The following CCDC178 variants were observed in gnomAD, a reference collection of about 807,000 sequenced individuals.
The protein encoded by CCDC178 is coiled-coil domain containing 178.
A neutral mutation model predicts 117.4 loss-of-function variants in CCDC178; 126 were observed. The ratio of observed to expected loss-of-function variants is 1.07; its 90% CI spans 0.93 to 1.24. CCDC178 has a LOEUF of 1.24. Ranked by LOEUF, CCDC178 falls within the 50% of genes most tolerant of loss-of-function variation. The probability of loss-of-function intolerance (pLI) is 0.00; values close to 1 mark genes in which losing one functional copy is unlikely to be tolerated. For synonymous variants in CCDC178, 283 were observed against 313.4 expected (o/e 0.90, Z 1.02); for missense variants, 1,030 against 986.9 (o/e 1.04, Z -0.59).
intron 21 of CCDC178, among the ~76,000 whole-genome samples, chr18:33,036,764 T>C (rs1489628453): frequency 2.0e-5 from 3 of 151,916 alleles, no homozygotes; most frequent in Non-Finnish European, 4.4e-5. Context: ...GAAGAATCAC[T>C]GAAGGGTTTT....
At chr18:33,089,279 A>G (rs16964251) in intron 21 of CCDC178, among the ~76,000 whole-genome samples, 10,952 of 152,130 alleles carry the variant, frequency 0.072, 1,346 homozygotes, top group African/African-American at 0.25. Flanking sequence ...TGGTAGTATT[A>G]TAATTCTGAA....
At chr18:33,227,334 T>C (rs114600638) in intron 15 of CCDC178, among the ~76,000 whole-genome samples, 2 of 151,250 alleles carry the variant, frequency 1.3e-5, no homozygotes, top group African/African-American at 2.4e-5. Flanking sequence ...AGGGAAAAAA[T>C]TTGGAAAAAT....
intron 5 of CCDC178, 80 bp downstream of exon 5, chr18:33,389,460 T>G: frequency 1.8e-6 from 1 of 545,750 alleles, no homozygotes; most frequent in Non-Finnish European, 3.0e-6. Context: ...AAAATAGAAA[T>G]AGTATTGACA....
intron 12 of CCDC178, among the ~76,000 whole-genome samples, chr18:33,270,370 A>ACATTGTATTGTAAATTTGGT (rs1198720617): frequency 5.3e-5 from 8 of 151,500 alleles, no homozygotes; most frequent in Non-Finnish European, 8.9e-5. Context: ...TTTAAAATAC[A>ACATTGTATTGTAAATTTGGT]TTAATTTACA....
At chr18:33,313,564 A>T (rs866110409) in intron 11 of CCDC178, among the ~76,000 whole-genome samples, 5 of 152,130 alleles carry the variant, frequency 3.3e-5, no homozygotes, top group African/African-American at 9.7e-5. Flanking sequence ...CCATTTTTTT[A>T]AAAAAGCCCA....
At chr18:33,392,017 C>T (rs542619099) in intron 4 of CCDC178, among the ~76,000 whole-genome samples, 75 of 152,114 alleles carry the variant, frequency 4.9e-4, no homozygotes, top group Middle Eastern at 3.4e-3. Flanking sequence ...GAGTGCGCCA[C>T]CATGCCTGGC....
At chr18:32,943,890 A>G (rs769304089) in intron 22 of CCDC178, among the ~76,000 whole-genome samples, 4 of 152,226 alleles carry the variant, frequency 2.6e-5, no homozygotes, top group Non-Finnish European at 5.9e-5. Context: ...TGTGCAGAAA[A>G]AGAATTTAGT....
chr18:33,402,191 A>G (rs956818186), intron 3 of CCDC178, among the ~76,000 whole-genome samples: 2 of 152,232 alleles, frequency 1.3e-5, no homozygotes, highest in African/African-American at 4.8e-5. Context: ...GAAAATGATA[A>G]AGACCTTTGA....
At chr18:33,242,462 A>G (rs556141412) in intron 15 of CCDC178, among the ~76,000 whole-genome samples, 1 of 151,978 alleles carries the variant, frequency 6.6e-6, no homozygotes. Context: ...ACAGAGTGAA[A>G]ATACCACCTA....
intron 3 of CCDC178, among the ~76,000 whole-genome samples, chr18:33,402,884 A>G (rs1599276292): frequency 6.6e-6 from 1 of 152,280 alleles, no homozygotes; most frequent in South Asian, 2.1e-4. Flanking sequence ...ATATTTGTAA[A>G]CATACATGTC....
chr18:33,136,787 A>G (rs1157452531), intron 20 of CCDC178, among the ~76,000 whole-genome samples: 5 of 152,146 alleles, frequency 3.3e-5, no homozygotes, highest in African/African-American at 9.7e-5. Flanking sequence ...ATTGAAGAAC[A>G]TTTTTCACTC....
At chr18:33,117,033 T>G (rs894969871) in intron 20 of CCDC178, among the ~76,000 whole-genome samples, 3 of 152,052 alleles carry the variant, frequency 2.0e-5, no homozygotes, top group Non-Finnish European at 4.4e-5. Context: ...TATCAATTGA[T>G]GGTCTGTGGT....
chr18:33,361,610 T>G (rs1467609736), intron 6 of CCDC178, among the ~76,000 whole-genome samples: 1 of 151,690 alleles, frequency 6.6e-6, no homozygotes, highest in African/African-American at 2.4e-5. Flanking sequence ...CTTAAACTCA[T>G]TAGCAAAAAC....
At chr18:33,403,043 A>C (rs1050776744) in intron 3 of CCDC178, among the ~76,000 whole-genome samples, 3 of 152,232 alleles carry the variant, frequency 2.0e-5, no homozygotes, top group Admixed American at 6.5e-5. Flanking sequence ...TCTCTCACCC[A>C]TATAACCAAA....
At chr18:33,195,048 T>G (rs1186532955) in intron 20 of CCDC178, among the ~76,000 whole-genome samples, 1 of 147,386 alleles carries the variant, frequency 6.8e-6, no homozygotes, top group Non-Finnish European at 1.5e-5. Context: ...ACCCTGGAGT[T>G]TGAGGCTGCA....
At chr18:33,226,010 A>C (rs1417353741) in intron 16 of CCDC178, among the ~76,000 whole-genome samples, 2 of 151,952 alleles carry the variant, frequency 1.3e-5, no homozygotes, top group Admixed American at 6.5e-5. Context: ...AAAAATACAA[A>C]ATTAGCTGGG....
At chr18:32,996,168 A>G (rs998990630) in intron 21 of CCDC178, among the ~76,000 whole-genome samples, 1 of 151,928 alleles carries the variant, frequency 6.6e-6, no homozygotes, top group Admixed American at 6.6e-5. Context: ...CAACCACACA[A>G]TATTAGAAAT....
intron 18 of CCDC178, among the ~76,000 whole-genome samples, chr18:33,217,699 T>G (rs1368422094): frequency 1.3e-5 from 2 of 152,080 alleles, no homozygotes; most frequent in Admixed American, 6.6e-5. Flanking sequence ...AATGTGATTC[T>G]GAAATATTTC....
At chr18:33,190,747 G>T (rs1168111560) in intron 20 of CCDC178, among the ~76,000 whole-genome samples, 1 of 152,114 alleles carries the variant, frequency 6.6e-6, no homozygotes, top group Non-Finnish European at 1.5e-5. Flanking sequence ...TGTAATAGAG[G>T]ATTATCCTTC....
Sources: allele counts gnomAD v4.1 joint callset (sites outside exome capture counted in the v4.1 genomes callset), GRCh38; gene constraint gnomAD v4.1.1; transcripts MANE v1.5; gene names NCBI Gene and HGNC (gene_info 2026-07-23, HGNC 2026-07-21).